Variants in MISFA observed in about 807,000 individuals in gnomAD.
MISFA encodes mitochondrial sheath formation associated.
the MISFA span, chr11:18,602,757 C>T: frequency 1.8e-4 from 35 of 189,472 alleles, no homozygotes; most frequent in Middle Eastern, 2.0e-3. Context: ...TGGCAGGTGA[C>T]GAGTTAATGA....
chr11:18,606,511 A>G, the MISFA span: 1 of 197,560 alleles, frequency 5.1e-6, no homozygotes, highest in Non-Finnish European at 1.0e-5. Flanking sequence ...ACCAGAAAAC[A>G]AGCTAAGCTA....
At chr11:18,609,597 C>T in the MISFA span, 7 of 461,194 alleles carry the variant, frequency 1.5e-5, no homozygotes, top group Non-Finnish European at 2.3e-5. Flanking sequence ...GTGCATAGCT[C>T]ATCAGGATCA....
At chr11:18,603,717 C>T in the MISFA span, 1 of 398,776 alleles carries the variant, frequency 2.5e-6, no homozygotes. Context: ...GCCTAAGCCC[C>T]CACACTAGAA....
At chr11:18,609,832 C>T in the MISFA span, 1 of 1,608,804 alleles carries the variant, frequency 6.2e-7, no homozygotes, top group South Asian at 1.1e-5. Context: ...CAGAGCAGCT[C>T]TAGAATTTCA....
chr11:18,609,540 A>T, the MISFA span: 4 of 262,916 alleles, frequency 1.5e-5, no homozygotes, highest in Non-Finnish European at 2.9e-5. Context: ...CAAAGTAGCA[A>T]AGGAACAATA....
chr11:18,606,251 A>G, the MISFA span: 1 of 156,400 alleles, frequency 6.4e-6, no homozygotes, highest in Non-Finnish European at 1.4e-5. Context: ...TGAATGTGTA[A>G]GGGAGAATAA....
the MISFA span, chr11:18,602,871 A>G: frequency 2.8e-6 from 1 of 355,072 alleles, no homozygotes; most frequent in East Asian, 4.1e-5. Flanking sequence ...CAACCATCCC[A>G]TAGGTGCTCA....
the MISFA span, chr11:18,600,985 G>T: frequency 2.5e-6 from 1 of 397,580 alleles, no homozygotes; most frequent in South Asian, 1.3e-4. Flanking sequence ...GGGACGGTAG[G>T]GATTGGTGGG....
At chr11:18,609,781 T>C in the MISFA span, 2 of 1,279,668 alleles carry the variant, frequency 1.6e-6, no homozygotes, top group Non-Finnish European at 2.2e-6. Flanking sequence ...TCTAAAATGA[T>C]AAGGGGGCTT....
At chr11:18,599,935 GTGCT>G in the MISFA span, 22 of 398,922 alleles carry the variant, frequency 5.5e-5, no homozygotes, top group Non-Finnish European at 9.7e-5. Flanking sequence ...GATCATGATT[GTGCT>G]TGGCTGGATG....
At chr11:18,606,623 G>A in the MISFA span, 23 of 364,886 alleles carry the variant, frequency 6.3e-5, no homozygotes, top group Middle Eastern at 3.6e-4. Context: ...TACACTAAAC[G>A]TCTGAATATT....
the MISFA span, chr11:18,607,459 A>G: frequency 6.6e-6 from 1 of 152,644 alleles, no homozygotes; most frequent in African/African-American, 2.4e-5. Flanking sequence ...ATCATGAAAT[A>G]TTACTACATT....
the MISFA span, chr11:18,601,197 G>T: frequency 2.8e-5 from 11 of 398,638 alleles, no homozygotes; most frequent in African/African-American, 1.9e-4. Context: ...GGGTGGTCAG[G>T]TCTGGTGGGT....
the MISFA span, among the ~76,000 whole-genome samples, chr11:18,605,485 G>A: frequency 6.6e-6 from 1 of 152,060 alleles, no homozygotes; most frequent in Admixed American, 6.6e-5. Context: ...TGGGAAGTTT[G>A]CTTAACTATT....
chr11:18,609,601 A>T, the MISFA span: 6 of 468,410 alleles, frequency 1.3e-5, no homozygotes, highest in East Asian at 3.8e-5. Context: ...ATAGCTCATC[A>T]GGATCAAGGC....
the MISFA span, among the ~76,000 whole-genome samples, chr11:18,600,781 A>G: frequency 6.6e-6 from 1 of 152,000 alleles, no homozygotes. Flanking sequence ...CGGCTCCCCA[A>G]AGTGCTGGGA....
chr11:18,603,306 T>G, the MISFA span: 2 of 397,280 alleles, frequency 5.0e-6, no homozygotes, highest in Non-Finnish European at 8.9e-6. Context: ...ACAAATACTT[T>G]TATTATTTTT....
the MISFA span, among the ~76,000 whole-genome samples, chr11:18,605,693 CG>C: frequency 3.9e-5 from 6 of 152,068 alleles, no homozygotes; most frequent in Non-Finnish European, 5.9e-5. Flanking sequence ...CCATTTGCCT[CG>C]TAATACATTT....
chr11:18,600,006 T>G, the MISFA span: 6 of 399,000 alleles, frequency 1.5e-5, no homozygotes, highest in Non-Finnish European at 2.7e-5. Flanking sequence ...TGGTAAGTAA[T>G]GGCTCTGCCT....
Sources: gnomAD v4.1 joint callset for allele counts (sites outside exome capture counted in the v4.1 genomes callset) on GRCh38, gnomAD v4.1.1 for gene constraint, MANE v1.5 for transcripts, NCBI Gene and HGNC (gene_info 2026-07-23, HGNC 2026-07-21) for gene names.